Variants in EFCAB7 observed in about 807,000 individuals in gnomAD.
EFCAB7 encodes EF-hand calcium-binding domain-containing protein 7.
Under a neutral mutation model 77.1 loss-of-function variants are expected in EFCAB7, and 66 were observed. That is an observed-to-expected ratio of 0.86 (90% CI 0.70 to 1.05). The LOEUF (loss-of-function observed/expected upper bound fraction) is 1.05, where lower values mean the gene tolerates loss of function less well. EFCAB7 is among the 50% of genes least tolerant of loss of function. EFCAB7 has a pLI of 0.00. For synonymous variants in EFCAB7, 225 were observed against 243.3 expected, an observed-to-expected ratio of 0.92 and a Z score of 0.70; for missense variants, 638 against 730.5, an observed-to-expected ratio of 0.87 and a Z score of 1.46.
the EFCAB7 span, among the ~76,000 whole-genome samples, chr1:63,583,581 G>A: frequency 6.6e-6 from 1 of 152,092 alleles, no homozygotes; most frequent in South Asian, 2.1e-4. Flanking sequence ...CTATAGATTG[G>A]AGGTCATGAG....
chr1:63,558,890 C>T (rs1322245565), intron 10 of EFCAB7, among the ~76,000 whole-genome samples: 1 of 151,540 alleles, frequency 6.6e-6, no homozygotes, highest in Non-Finnish European at 1.5e-5. Context: ...TTTAGGTTTA[C>T]AGAAAAAACA....
At chr1:63,546,657 C>T (rs1191201164) in intron 7 of EFCAB7, among the ~76,000 whole-genome samples, 2 of 152,162 alleles carry the variant, frequency 1.3e-5, no homozygotes, top group South Asian at 2.1e-4. Flanking sequence ...TGTGAGCCAC[C>T]ATGCCCAGCC....
intron 7 of EFCAB7, chr1:63,550,646 AAAAG>A (rs1367452594): frequency 1.3e-5 from 2 of 151,996 alleles, no homozygotes; most frequent in Non-Finnish European, 2.9e-5. Context: ...TAAAAAAAAA[AAAAG>A]AAAGTAGATG....
chr1:63,571,138 T>C lies in EFCAB7; in HGVS notation c.1815+10T>C. ...ACCCAAATCTACAATGGTAATGTAT[T>C]ATTTTCTAATTAAAGCCTTTTGTTT... On this transcript the variant is annotated intron_variant, in intron 13 of 13. Coordinates refer to ENST00000371088, the MANE Select transcript of EFCAB7 (RefSeq NM_032437.4). The C allele has an allele frequency of 6.3e-7, 1 of 1,575,166 alleles. No individual in the cohort carries two copies.
the EFCAB7 span, among the ~76,000 whole-genome samples, chr1:63,583,643 A>G: frequency 6.6e-6 from 1 of 152,138 alleles, no homozygotes; most frequent in Non-Finnish European, 1.5e-5. Context: ...AGGAATGTCA[A>G]CGCTATGGAT....
chr1:63,552,025 G>C (rs1473116054), intron 8 of EFCAB7, 191 bp downstream of exon 8: 1 of 187,646 alleles, frequency 5.3e-6, no homozygotes, highest in Non-Finnish European at 1.1e-5. Flanking sequence ...ATAATTATAA[G>C]GATTTTTTCT....
chr1:63,575,733 G>T (rs182891486), downstream of EFCAB7, among the ~76,000 whole-genome samples: 3 of 151,584 alleles, frequency 2.0e-5, no homozygotes, highest in Non-Finnish European at 2.9e-5. Context: ...ACAGGCATAC[G>T]CTACCACACC....
intron 12 of EFCAB7, 77 bp downstream of exon 12, chr1:63,568,596 C>T (rs1299003646): frequency 8.1e-6 from 9 of 1,109,608 alleles, no homozygotes; most frequent in South Asian, 4.6e-5. Context: ...TTACTCTATT[C>T]GTATGTGGTA....
intron 7 of EFCAB7, chr1:63,549,668 C>T: frequency 3.3e-6 from 1 of 307,574 alleles, no homozygotes. Context: ...ATCATCAATA[C>T]ATTCCCATCT....
Position 63,572,603 on chromosome 1 carries a change from G to T in EFCAB7, c.*87G>T. ...AACAACTAAATGCTACTTAACTGAT[G>T]TACCTAAATAATAATCTATTCAATT... On this transcript the variant is annotated 3_prime_UTR_variant, in exon 14 of 14. Transcript: ENST00000371088. The T allele has an allele frequency of 8.5e-7, 1 of 1,177,698 alleles. No individual in the cohort carries two copies. The highest frequency in any genetic ancestry group is 3.2e-4 in the Middle Eastern group (1 of 3,162). The allele number at this position is 1,177,698 out of a possible 1,614,324, so 73.0% of individuals were successfully genotyped here.
rs1261546898 is a variant in EFCAB7 at position 63,533,599 on chromosome 1, C to T, written c.632C>T (p.Pro211Leu). ...PERDPSPVPK[P>L]SPKITRKTDP... Reference sequence around the variant, plus strand: ...AGGGACCCATCACCAGTACCAAAACCATCACCTAAAATCACAAGAAAAACT... The same window carrying T: ...AGGGACCCATCACCAGTACCAAAACTATCACCTAAAATCACAAGAAAAACT... The change falls in exon 5 of 14, where the codon CCA becomes CTA. Residue 211 changes from proline to leucine, a missense_variant. Pro to Leu is a moderately conservative substitution (Grantham distance 98). Coordinates refer to ENST00000371088, the MANE Select transcript of EFCAB7 (RefSeq NM_032437.4). 6.3e-7 allele frequency: 1 copy of T among 1,598,166 alleles called. No individual in the cohort carries two copies. The highest frequency in any genetic ancestry group is 2.2e-5 in the East Asian group (1 of 44,702).
chr1:63,548,295 C>G (rs1459274530), intron 7 of EFCAB7: 1 of 152,168 alleles, frequency 6.6e-6, no homozygotes, highest in Non-Finnish European at 1.5e-5. Context: ...TTTCTTTTTG[C>G]CATAATTAGG....
chr1:63,532,893 T>A, intron 4 of EFCAB7, 137 bp downstream of exon 4: 1 of 623,634 alleles, frequency 1.6e-6, no homozygotes, highest in South Asian at 2.4e-5. Context: ...TGTGAAACAA[T>A]TAAATCAGTT....
chr1:63,571,592 C>T lies in EFCAB7; in HGVS notation c.1815+464C>T, dbSNP rs547772758. On this transcript the variant is annotated intron_variant, in intron 13 of 13. Transcript: ENST00000371088. ...GGAGGCTGAGGCAGGAGAATCTGAA[C>T]CTGGGAGGTGGAGGTTGCAGTGAGC... 2.8e-5 allele frequency among the ~76,000 whole-genome samples: 4 copies of T among 143,626 alleles called. No individual in the cohort carries two copies. The South Asian group carries it at 8.9e-4, about 32-fold the overall frequency. The allele number at this position is 143,626 out of a possible 152,430, so 94.2% of individuals were successfully genotyped here.
At chr1:63,531,260 C>A (rs1374252266) in intron 2 of EFCAB7, among the ~76,000 whole-genome samples, 12 of 151,930 alleles carry the variant, frequency 7.9e-5, no homozygotes, top group Non-Finnish European at 1.8e-4. Context: ...TTTTAAGATT[C>A]CACACAAGTG....
chr1:63,551,775 GA>G lies in EFCAB7; in HGVS notation c.1001del (p.Asn334MetfsTer27). On this transcript the variant is annotated frameshift_variant, in exon 8 of 14. Transcript: ENST00000371088. LOFTEE classifies it high-confidence loss of function. ...SVDTALYILK[E>X]NESQANLQLV... The stretch of plus-strand genomic sequence containing the variant: ...TGATACTGCCTTGTATATTCTCAAG[GA>G]AAATGAGAGTCAAGCAAATCTACAG... 1 of 1,590,192 alleles carries G rather than the reference GA, an allele frequency of 6.3e-7. No individual in the cohort carries two copies. The highest frequency in any genetic ancestry group is 8.6e-7 in the Non-Finnish European group (1 of 1,167,736).
chr1:63,571,772 A>G (rs1234006173), intron 13 of EFCAB7, among the ~76,000 whole-genome samples: 2 of 152,080 alleles, frequency 1.3e-5, no homozygotes, highest in Non-Finnish European at 2.9e-5. Context: ...ACATGAAAGT[A>G]CTTTTTACAT....
chr1:63,566,589 T>A (rs1647176135), intron 11 of EFCAB7, among the ~76,000 whole-genome samples: 1 of 152,178 alleles, frequency 6.6e-6, no homozygotes, highest in East Asian at 1.9e-4. Flanking sequence ...ATATTGATCC[T>A]CTTTGGTTGA....
At chr1:63,555,176 T>G (rs893243198) in intron 8 of EFCAB7, 182 bp from the exon 9 acceptor site, 2 of 553,662 alleles carry the variant, frequency 3.6e-6, no homozygotes, top group Non-Finnish European at 3.0e-6. Context: ...ATAATGGGAT[T>G]ACCATTAACA....
Sources: gnomAD v4.1 joint callset for allele counts (sites outside exome capture counted in the v4.1 genomes callset) on GRCh38, gnomAD v4.1.1 for gene constraint, MANE v1.5 for transcripts, NCBI Gene and HGNC (gene_info 2026-07-23, HGNC 2026-07-21) for gene names.